Variants in MKLN1 observed in about 807,000 individuals in gnomAD.
MKLN1 encodes the protein muskelin.
In MKLN1, 18 loss-of-function variants were observed where a neutral mutation model predicts 99.0. The observed-to-expected ratio is 0.18, with a 90% CI of 0.13 to 0.27. The LOEUF is 0.27. Ranked by LOEUF, MKLN1 falls within the 10% of genes least tolerant of loss-of-function variation. The pLI, the probability that MKLN1 is intolerant of heterozygous loss-of-function variation, is 1.00. For synonymous variants in MKLN1, 288 were observed against 293.2 expected, an observed-to-expected ratio of 0.98 and a Z score of 0.18; for missense variants, 621 against 875.9, an observed-to-expected ratio of 0.71 and a Z score of 3.67.
intron 10 of MKLN1, among the ~76,000 whole-genome samples, chr7:131,441,836 G>A (rs1795849615): frequency 6.6e-6 from 1 of 152,154 alleles, no homozygotes; most frequent in Non-Finnish European, 1.5e-5. Flanking sequence ...ATGAATCTGT[G>A]AGTTAATAAA....
chr7:131,385,172 GGTTGTAGTGTGT>G (rs927888551), intron 2 of MKLN1, among the ~76,000 whole-genome samples: 1 of 152,138 alleles, frequency 6.6e-6, no homozygotes, highest in Non-Finnish European at 1.5e-5. Context: ...GGTTAATCCA[GGTTGTAGTGTGT>G]GTCAGTGTGC....
chr7:131,364,950 A>G (rs1364472520), intron 1 of MKLN1, among the ~76,000 whole-genome samples: 1 of 152,186 alleles, frequency 6.6e-6, no homozygotes, highest in Non-Finnish European at 1.5e-5. Flanking sequence ...ACTTTACGGT[A>G]AAATGATTTC....
At position 131,131,975 on chromosome 7, in the gene MKLN1, A is replaced by C. The variant is rs185250571; in HGVS notation, c.-418-10845A>C. Among the ~76,000 whole-genome samples, 3 of 152,346 alleles carry C rather than the reference A, an allele frequency of 2.0e-5. No homozygotes were observed. In the East Asian group the frequency reaches 5.8e-4, roughly 29 times the overall value. ...GATCACATGACATGTTCTAGGTTAC[A>C]GGGCTATGTAATAAAACCAGAATTC... On this transcript the variant is annotated intron_variant, in intron 1 of 7. Transcript: ENST00000416992.
At chr7:131,240,743 A>C (rs182985124) in intron 3 of MKLN1, among the ~76,000 whole-genome samples, 151 of 152,346 alleles carry the variant, frequency 9.9e-4, no homozygotes, top group African/African-American at 3.5e-3. Flanking sequence ...GCCCAGCAAA[A>C]GGTGGATTAA....
At chr7:131,227,499 T>A in intron 3 of MKLN1, among the ~76,000 whole-genome samples, 1 of 109,996 alleles carries the variant, frequency 9.1e-6, no homozygotes, top group Admixed American at 9.3e-5. Flanking sequence ...TTCTTTCTCT[T>A]TCTTTCTTTC....
At chr7:131,455,806 G>T (rs1796317169) in intron 12 of MKLN1, among the ~76,000 whole-genome samples, 1 of 152,146 alleles carries the variant, frequency 6.6e-6, no homozygotes, top group African/African-American at 2.4e-5. Flanking sequence ...AACACTTTGG[G>T]AGGCCGAGGC....
At chr7:131,195,975 A>G (rs1796639162) in intron 2 of MKLN1, among the ~76,000 whole-genome samples, 1 of 152,152 alleles carries the variant, frequency 6.6e-6, no homozygotes, top group Admixed American at 6.6e-5. Flanking sequence ...AACAAAAACC[A>G]GTAGTTTCAT....
intron 3 of MKLN1, among the ~76,000 whole-genome samples, chr7:131,261,279 G>C (rs1262057048): frequency 6.6e-6 from 1 of 152,104 alleles, no homozygotes; most frequent in Non-Finnish European, 1.5e-5. Flanking sequence ...AGCTGTAAGA[G>C]ACTTAAACAA....
intron 3 of MKLN1, among the ~76,000 whole-genome samples, chr7:131,208,302 A>G (rs746511852): frequency 8.5e-5 from 13 of 152,208 alleles, no homozygotes; most frequent in Non-Finnish European, 1.8e-4. Flanking sequence ...TGCTCTATAA[A>G]GAATAACTCT....
intron 3 of MKLN1, among the ~76,000 whole-genome samples, chr7:131,258,646 A>G (rs1797691193): frequency 6.6e-6 from 1 of 152,212 alleles, no homozygotes; most frequent in South Asian, 2.1e-4. Context: ...ATGTTATCAG[A>G]TATTTTGGGT....
At chr7:131,444,278 C>T (rs761754022) in intron 11 of MKLN1, among the ~76,000 whole-genome samples, 67 of 151,692 alleles carry the variant, frequency 4.4e-4, no homozygotes, top group Non-Finnish European at 6.6e-4. Context: ...CCACCACGCC[C>T]GGCTAATTTT....
chr7:131,253,366 C>T (rs527454159), intron 3 of MKLN1, among the ~76,000 whole-genome samples: 1 of 152,312 alleles, frequency 6.6e-6, no homozygotes, highest in South Asian at 2.1e-4. Flanking sequence ...CAGCATTTCT[C>T]ATCCTCCCAG....
At chr7:131,479,003 T>C in intron 17 of MKLN1, 1 of 248,108 alleles carries the variant, frequency 4.0e-6, no homozygotes, top group South Asian at 9.1e-5. Flanking sequence ...TATGAGATAA[T>C]ACTTGTTGAT....
chr7:131,297,255 G>T (rs1399826254), intron 3 of MKLN1, among the ~76,000 whole-genome samples: 1 of 152,036 alleles, frequency 6.6e-6, no homozygotes. Flanking sequence ...CCGCTACTTG[G>T]GAGGCTGAGG....
At chr7:131,372,031 A>AT (rs1287366921) in intron 1 of MKLN1, among the ~76,000 whole-genome samples, 14 of 151,628 alleles carry the variant, frequency 9.2e-5, no homozygotes, top group African/African-American at 1.2e-4. Flanking sequence ...AATAGTATTA[A>AT]TTTTTTTTCT....
At chr7:131,354,560 T>C (rs914659776) in intron 1 of MKLN1, among the ~76,000 whole-genome samples, 3 of 152,066 alleles carry the variant, frequency 2.0e-5, no homozygotes, top group Non-Finnish European at 2.9e-5. Flanking sequence ...AGGCAAATTA[T>C]GTCATCTGAA....
chr7:131,286,180 T>A (rs1332727054), intron 3 of MKLN1, among the ~76,000 whole-genome samples: 5 of 152,136 alleles, frequency 3.3e-5, no homozygotes, highest in African/African-American at 1.2e-4. Context: ...GAACTCCTGA[T>A]CTCAAGTGAT....
intron 1 of MKLN1, among the ~76,000 whole-genome samples, chr7:131,340,523 C>T (rs1243116972): frequency 1.3e-5 from 2 of 152,084 alleles, no homozygotes; most frequent in Admixed American, 1.3e-4. Flanking sequence ...AGGTGACCCA[C>T]CTGCCTTGGC....
chr7:131,439,677 T>G (rs562811559), intron 10 of MKLN1, among the ~76,000 whole-genome samples: 1 of 152,310 alleles, frequency 6.6e-6, no homozygotes, highest in African/African-American at 2.4e-5. Context: ...GATAAAAATA[T>G]GAGAAAGCTA....
Sources: gnomAD v4.1 joint callset for allele counts (sites outside exome capture counted in the v4.1 genomes callset) on GRCh38, gnomAD v4.1.1 for gene constraint, MANE v1.5 for transcripts, NCBI Gene and HGNC (gene_info 2026-07-23, HGNC 2026-07-21) for gene names.